Variants in C2orf49 observed in about 807,000 individuals in gnomAD.
The protein encoded by C2orf49 is tRNA-splicing ligase complex subunit ASW.
In C2orf49, 11 loss-of-function variants were observed where a neutral mutation model predicts 20.6. The ratio of observed to expected loss-of-function variants is 0.53; its 90% CI spans 0.34 to 0.88. The LOEUF (loss-of-function observed/expected upper bound fraction) is 0.88. Ranked by LOEUF, C2orf49 falls within the 40% of genes least tolerant of loss-of-function variation. C2orf49 has a pLI of 0.02. For synonymous variants in C2orf49, 134 were observed against 108.5 expected (o/e 1.24, Z -1.46); for missense variants, 289 against 274.2 (o/e 1.05, Z -0.38).
At chr2:105,364,248 T>C in the C2orf49 span, among the ~76,000 whole-genome samples, 1 of 146,286 alleles carries the variant, frequency 6.8e-6, no homozygotes, top group African/African-American at 2.5e-5. Flanking sequence ...AGAGTGAGAC[T>C]GTCTCAAAAA....
chr2:105,352,452 G>GGTTTT (rs1679960296), downstream of C2orf49, among the ~76,000 whole-genome samples: 1 of 68,068 alleles, frequency 1.5e-5, no homozygotes, highest in Non-Finnish European at 2.5e-5. Context: ...TTTTTTTTTC[G>GGTTTT]TTTTTTTTTT....
At chr2:105,373,368 G>T in the C2orf49 span, among the ~76,000 whole-genome samples, 1 of 152,180 alleles carries the variant, frequency 6.6e-6, no homozygotes, top group East Asian at 1.9e-4. Context: ...AAAAGATCCC[G>T]TTACTGCCCA....
chr2:105,368,230 G>A, the C2orf49 span, among the ~76,000 whole-genome samples: 2 of 152,212 alleles, frequency 1.3e-5, no homozygotes. Flanking sequence ...TCAGTGAGCA[G>A]CCTCTACAAC....
chr2:105,365,571 G>T, the C2orf49 span, among the ~76,000 whole-genome samples: 4 of 151,648 alleles, frequency 2.6e-5, no homozygotes, highest in African/African-American at 4.8e-5. Flanking sequence ...AGGGAAGAGG[G>T]TTCCTAAAAT....
chr2:105,371,508 C>T, the C2orf49 span, among the ~76,000 whole-genome samples: 3 of 152,074 alleles, frequency 2.0e-5, no homozygotes, highest in Middle Eastern at 3.4e-3. Flanking sequence ...AGATTCCAGA[C>T]TTACCGCCTC....
downstream of C2orf49, among the ~76,000 whole-genome samples, chr2:105,351,308 A>ACCCCC (rs1679926661): frequency 5.1e-5 from 2 of 39,018 alleles, no homozygotes; most frequent in Non-Finnish European, 5.2e-5. Context: ...ATTTTTGCCC[A>ACCCCC]CCGCGCCCCC....
the C2orf49 span, among the ~76,000 whole-genome samples, chr2:105,369,390 A>G: frequency 6.6e-6 from 1 of 152,220 alleles, no homozygotes; most frequent in Non-Finnish European, 1.5e-5. Context: ...TCCTCCAGTA[A>G]TTAGGAATGT....
the C2orf49 span, chr2:105,363,466 G>A: frequency 2.1e-5 from 34 of 1,607,212 alleles, no homozygotes; most frequent in African/African-American, 3.1e-4. Flanking sequence ...CTCCCGTGGT[G>A]ATGGGCTGCA....
At chr2:105,378,155 T>C in the C2orf49 span, 1 of 471,188 alleles carries the variant, frequency 2.1e-6, no homozygotes, top group Non-Finnish European at 4.4e-6. Flanking sequence ...GACATGCACA[T>C]GGGTCCAAGG....
chr2:105,361,319 G>A, the C2orf49 span: 175,113 of 1,613,654 alleles, frequency 0.11, 10,367 homozygotes, highest in Non-Finnish European at 0.12. Context: ...ACAGGATGTC[G>A]TCCCTCTCTG....
the C2orf49 span, among the ~76,000 whole-genome samples, chr2:105,372,078 C>T: frequency 6.6e-6 from 1 of 152,194 alleles, no homozygotes; most frequent in Non-Finnish European, 1.5e-5. Flanking sequence ...ACTGTGTCAG[C>T]CTGGGCATTT....
chr2:105,377,364 C>T, the C2orf49 span, among the ~76,000 whole-genome samples: 1 of 152,178 alleles, frequency 6.6e-6, no homozygotes, highest in Non-Finnish European at 1.5e-5. Flanking sequence ...GGCGAGGTGG[C>T]TCACGCCTGT....
the C2orf49 span, chr2:105,359,130 T>C: frequency 6.6e-6 from 1 of 152,230 alleles, no homozygotes; most frequent in African/African-American, 2.4e-5. Flanking sequence ...AAATATTTTG[T>C]CCAGAATGAC....
chr2:105,377,962 A>G, the C2orf49 span: 5 of 441,046 alleles, frequency 1.1e-5, no homozygotes, highest in South Asian at 5.1e-5. Flanking sequence ...GAAGAGAAAT[A>G]CAATTTCTAG....
chr2:105,356,819 G>A, the C2orf49 span, among the ~76,000 whole-genome samples: 2,012 of 152,284 alleles, frequency 0.013, 47 homozygotes, highest in African/African-American at 0.043. Flanking sequence ...TCAGCATTTT[G>A]AATGTAATGT....
the C2orf49 span, among the ~76,000 whole-genome samples, chr2:105,366,221 A>G: frequency 9.9e-3 from 1,513 of 152,266 alleles, 26 homozygotes; most frequent in African/African-American, 0.033. Context: ...AAAAAAGAAA[A>G]AAAAAAAGGA....
chr2:105,339,254 CA>C (rs1679598555), intron 1 of C2orf49, among the ~76,000 whole-genome samples: 1 of 152,180 alleles, frequency 6.6e-6, no homozygotes, highest in Non-Finnish European at 1.5e-5. Flanking sequence ...TTTCTTTTGT[CA>C]ACAGGCAGTC....
At chr2:105,379,166 A>G in the C2orf49 span, among the ~76,000 whole-genome samples, 1 of 152,230 alleles carries the variant, frequency 6.6e-6, no homozygotes, top group African/African-American at 2.4e-5. Flanking sequence ...TTGGGAAGTA[A>G]TTGAACCTCT....
chr2:105,361,323 C>T, the C2orf49 span: 3 of 1,614,096 alleles, frequency 1.9e-6, no homozygotes, highest in Non-Finnish European at 1.7e-6. Flanking sequence ...GATGTCGTCC[C>T]TCTCTGTGAG....
Sources: gnomAD v4.1 joint callset for allele counts (sites outside exome capture counted in the v4.1 genomes callset) on GRCh38, gnomAD v4.1.1 for gene constraint, MANE v1.5 for transcripts, NCBI Gene and HGNC (gene_info 2026-07-23, HGNC 2026-07-21) for gene names.